CYTH3: variants seen among roughly 807,000 people sequenced by gnomAD.
CYTH3 encodes the protein cytohesin 3, also known as cytohesin-3.
A neutral mutation model predicts 55.1 loss-of-function variants in CYTH3; 23 were observed. The observed-to-expected ratio is 0.42, with a 90% CI of 0.30 to 0.59. The LOEUF (loss-of-function observed/expected upper bound fraction) is 0.59, where lower values mean the gene tolerates loss of function less well. CYTH3 is among the 20% of genes least tolerant of loss of function. CYTH3 has a pLI of 0.20. For missense variants in CYTH3, 413 were observed against 524.8 expected, an observed-to-expected ratio of 0.79 and a Z score of 2.08; for synonymous variants, 249 against 194.9, an observed-to-expected ratio of 1.28 and a Z score of -2.31.
intron 4 of CYTH3, among the ~76,000 whole-genome samples, chr7:6,181,741 A>G (rs974340849): frequency 5.7e-4 from 86 of 152,112 alleles, no homozygotes; most frequent in African/African-American, 2.0e-3. Context: ...CTTCTATTAC[A>G]TGAAATTTGG....
chr7:6,194,968 T>C (rs1783891159), intron 1 of CYTH3, among the ~76,000 whole-genome samples: 1 of 149,198 alleles, frequency 6.7e-6, no homozygotes, highest in Non-Finnish European at 1.5e-5. Flanking sequence ...AGAGCAAAAC[T>C]CCATCTCAAA....
intron 1 of CYTH3, among the ~76,000 whole-genome samples, chr7:6,257,857 G>A (rs1780170261): frequency 6.6e-6 from 1 of 152,184 alleles, no homozygotes; most frequent in South Asian, 2.1e-4. Flanking sequence ...TGGAGGTAGG[G>A]AGGTTCCTGG....
chr7:6,199,130 A>G (rs987490624), intron 1 of CYTH3, among the ~76,000 whole-genome samples: 4 of 152,258 alleles, frequency 2.6e-5, no homozygotes, highest in East Asian at 3.8e-4. Flanking sequence ...GAAGCTTTAC[A>G]TAAGAATCAG....
chr7:6,268,602 C>G (rs1241049157), intron 1 of CYTH3, among the ~76,000 whole-genome samples: 2 of 152,208 alleles, frequency 1.3e-5, no homozygotes, highest in Non-Finnish European at 2.9e-5. Context: ...CTCTTGCTTG[C>G]TGATGGACAC....
rs1444226224 is a variant in CYTH3 at position 6,169,593 on chromosome 7, T to C, written c.823+942A>G. ...GCGGCCGCCTGCTCTCAGAAAGGCTTGCGTGAACCCAGCTACCGCATCTCG... is the reference window on the plus strand; with the variant it reads ...GCGGCCGCCTGCTCTCAGAAAGGCTCGCGTGAACCCAGCTACCGCATCTCG... On this transcript the variant is annotated intron_variant, in intron 9 of 12. Coordinates refer to ENST00000350796, the MANE Select transcript of CYTH3 (RefSeq NM_004227.4). The surrounding 1 kb of genome is among the most constrained non-coding windows in gnomAD (Gnocchi z 4.1). Among the ~76,000 whole-genome samples the C allele has an allele frequency of 2.0e-5, 3 of 152,142 alleles. No individual in the cohort carries two copies. Among genetic ancestry groups the C allele is most frequent in the Non-Finnish European group, 4.4e-5 (3 of 68,026 alleles).
At chr7:6,213,337 T>C (rs1315689645) in intron 1 of CYTH3, among the ~76,000 whole-genome samples, 1 of 152,224 alleles carries the variant, frequency 6.6e-6, no homozygotes, top group Admixed American at 6.5e-5. Flanking sequence ...CCCAGCACTA[T>C]CCGTTGTTGC....
rs188443955 is a variant in CYTH3, at chr7:6,243,512, C to T, written c.34+28962G>A. Among the ~76,000 whole-genome samples the T allele has an allele frequency of 2.3e-3, 347 of 152,166 alleles. 1 individual carries two copies. The highest frequency in any genetic ancestry group is 4.2e-3 in the South Asian group (20 of 4,812). On this transcript the variant is annotated intron_variant, in intron 1 of 12. Coordinates refer to ENST00000350796, the MANE Select transcript of CYTH3 (RefSeq NM_004227.4). ...TTGGTTAAGAGTTTTTTCCACTTCA[C>T]CACACTTCTTCTGGCAGGTGGCATC...
chr7:6,163,993 A>T lies in CYTH3; in HGVS notation c.*951T>A, dbSNP rs150378509. ...CTCAGCGTATGGACCATCTGTGTCCAGGGAAAAGGCTGTTTCCTAGGAGTT... is the reference window on the plus strand; with the variant it reads ...CTCAGCGTATGGACCATCTGTGTCCTGGGAAAAGGCTGTTTCCTAGGAGTT... On this transcript the variant is annotated 3_prime_UTR_variant, in exon 13 of 13. Transcript: ENST00000350796. 1 of 152,280 alleles carries T rather than the reference A, an allele frequency of 6.6e-6. No individual in the cohort carries two copies. Among genetic ancestry groups the T allele is most frequent in the Non-Finnish European group, 1.5e-5 (1 of 68,040 alleles). 9.4% of individuals were successfully genotyped at this position (152,280 alleles called of 1,614,324 possible).
chr7:6,268,579 T>A (rs1780570325), intron 1 of CYTH3, among the ~76,000 whole-genome samples: 1 of 152,232 alleles, frequency 6.6e-6, no homozygotes, highest in African/African-American at 2.4e-5. Context: ...GGGCATGGAT[T>A]TATCTGATAA....
Position 6,164,880 on chromosome 7 carries a change from G to A in CYTH3, c.*64C>T. On this transcript the variant is annotated 3_prime_UTR_variant, in exon 13 of 13. Coordinates refer to ENST00000350796, the MANE Select transcript of CYTH3 (RefSeq NM_004227.4). ...CCTCCCTGCCACGCCTTCCGCGGAG[G>A]GGCCGCCCGCGGTGTCTTTCTGCTG... 3.8e-6 allele frequency: 6 copies of A among 1,590,140 alleles called. No individual in the cohort carries two copies. The highest frequency in any genetic ancestry group is 5.2e-6 in the Non-Finnish European group (6 of 1,158,762).
intron 4 of CYTH3, among the ~76,000 whole-genome samples, chr7:6,180,494 G>C (rs1783479399): frequency 6.6e-6 from 1 of 152,206 alleles, no homozygotes; most frequent in Admixed American, 6.5e-5. Flanking sequence ...GAGACCAGGA[G>C]GGTGGCAGCC....
intron 1 of CYTH3, among the ~76,000 whole-genome samples, chr7:6,230,408 T>C (rs1051809030): frequency 2.6e-5 from 4 of 152,162 alleles, no homozygotes; most frequent in Admixed American, 6.5e-5. Flanking sequence ...TTAAGCTGTA[T>C]AGAATAACTA....
chr7:6,237,467 T>C, intron 1 of CYTH3, among the ~76,000 whole-genome samples: 1 of 152,152 alleles, frequency 6.6e-6, no homozygotes, highest in East Asian at 1.9e-4. Context: ...CCCAGCACTT[T>C]GGGAGGCCGA....
intron 1 of CYTH3, among the ~76,000 whole-genome samples, chr7:6,231,579 T>G (rs2128553681): frequency 6.6e-6 from 1 of 152,348 alleles, no homozygotes; most frequent in South Asian, 2.1e-4. Context: ...GAGAAATGTA[T>G]GTATCAAACC....
intron 1 of CYTH3, among the ~76,000 whole-genome samples, chr7:6,259,106 G>A (rs1403033154): frequency 6.6e-6 from 1 of 152,176 alleles, no homozygotes; most frequent in Non-Finnish European, 1.5e-5. Context: ...AATAAACGGA[G>A]AATATTATAT....
intron 1 of CYTH3, among the ~76,000 whole-genome samples, chr7:6,214,006 A>G (rs1223701319): frequency 6.6e-6 from 1 of 152,120 alleles, no homozygotes; most frequent in Non-Finnish European, 1.5e-5. Flanking sequence ...CTGACCTTGT[A>G]AGAGGAACTA....
intron 1 of CYTH3, among the ~76,000 whole-genome samples, chr7:6,239,341 A>T (rs1490674467): frequency 1.3e-5 from 2 of 152,196 alleles, no homozygotes; most frequent in African/African-American, 4.8e-5. Flanking sequence ...CCCCGTCTCC[A>T]TCCCCAGCTC....
Position 6,216,130 on chromosome 7 carries a change from T to C in CYTH3, c.35-25599A>G, listed in dbSNP as rs116097458. 3.4e-3 allele frequency among the ~76,000 whole-genome samples: 517 copies of C among 152,318 alleles called. 4 individuals are homozygous for C. Among genetic ancestry groups the C allele is most frequent in the African/African-American group, 0.012 (498 of 41,574 alleles). ...AATAACAAAAGAAACAGTAAAAATA[T>C]GTGTAAGTATAAAAAACTTTCCTTC... On this transcript the variant is annotated intron_variant, in intron 1 of 12. Transcript: ENST00000350796.
chr7:6,214,237 G>T, intron 1 of CYTH3, among the ~76,000 whole-genome samples: 1 of 152,124 alleles, frequency 6.6e-6, no homozygotes, highest in East Asian at 1.9e-4. Flanking sequence ...TAGGTGGGGG[G>T]TTTACACCTA....
Sources: allele counts gnomAD v4.1 joint callset (sites outside exome capture counted in the v4.1 genomes callset), GRCh38; gene constraint gnomAD v4.1.1; non-coding constraint Gnocchi (gnomAD v3.1); transcripts MANE v1.5; gene names NCBI Gene and HGNC (gene_info 2026-07-23, HGNC 2026-07-21).